The following PDE3B variants were observed in gnomAD, a reference collection of about 807,000 sequenced individuals.
PDE3B encodes phosphodiesterase 3B, also known as cGMP-inhibited 3',5'-cyclic phosphodiesterase 3B.
PDE3B carries 66 observed loss-of-function variants against 116.8 expected under a neutral mutation model. The observed-to-expected ratio is 0.56, with a 90% CI of 0.46 to 0.69. The LOEUF is 0.69. PDE3B is among the 30% of genes least tolerant of loss of function. The probability of loss-of-function intolerance (pLI) is 0.00; values close to 1 mark genes in which losing one functional copy is unlikely to be tolerated. For synonymous variants in PDE3B, 595 were observed against 533.6 expected (o/e 1.12, Z -1.59); for missense variants, 1,384 against 1,368.1 (o/e 1.01, Z -0.18).
At chr11:14,860,046 T>C (rs1847918364) in intron 13 of PDE3B, among the ~76,000 whole-genome samples, 1 of 152,194 alleles carries the variant, frequency 6.6e-6, no homozygotes, top group Admixed American at 6.5e-5. Context: ...TTAGACCTGC[T>C]GGAAGGAGAC....
chr11:14,714,006 C>T (rs1855790609), intron 1 of PDE3B, among the ~76,000 whole-genome samples: 2 of 152,230 alleles, frequency 1.3e-5, no homozygotes, highest in Non-Finnish European at 1.5e-5. Context: ...AGTTTTACCA[C>T]AACCTGGCTA....
intron 1 of PDE3B, among the ~76,000 whole-genome samples, chr11:14,652,258 G>A (rs1853592237): frequency 6.6e-6 from 1 of 152,132 alleles, no homozygotes; most frequent in Non-Finnish European, 1.5e-5. Context: ...TTTCAACAAA[G>A]TGTTGGCTTC....
intron 1 of PDE3B, among the ~76,000 whole-genome samples, chr11:14,742,917 T>C (rs1000611655): frequency 6.6e-6 from 1 of 152,168 alleles, no homozygotes; most frequent in African/African-American, 2.4e-5. Flanking sequence ...TAAAGATTGC[T>C]GACTGTTCCT....
At chr11:14,841,861 A>T (rs1470030357) in intron 11 of PDE3B, among the ~76,000 whole-genome samples, 3 of 150,296 alleles carry the variant, frequency 2.0e-5, no homozygotes, top group Non-Finnish European at 4.4e-5. Context: ...GCTTTGTAAT[A>T]GATTTTGAAA....
chr11:14,855,547 C>T (rs1439413867), intron 12 of PDE3B, among the ~76,000 whole-genome samples: 1 of 152,026 alleles, frequency 6.6e-6, no homozygotes, highest in Admixed American at 6.6e-5. Flanking sequence ...ACTATTTAGG[C>T]ATTGTTATAT....
At chr11:14,647,410 T>C (rs1322146920) in intron 1 of PDE3B, among the ~76,000 whole-genome samples, 18 of 152,014 alleles carry the variant, frequency 1.2e-4, no homozygotes, top group Non-Finnish European at 2.7e-4. Context: ...TTCTGTAATA[T>C]CTTCTAATTC....
chr11:14,713,796 T>C (rs932265203), intron 1 of PDE3B, among the ~76,000 whole-genome samples: 4 of 152,046 alleles, frequency 2.6e-5, no homozygotes, highest in African/African-American at 9.7e-5. Context: ...TGGAAAGGCA[T>C]CACAGAGGAG....
At chr11:14,770,098 G>A (rs1857596268) in intron 1 of PDE3B, among the ~76,000 whole-genome samples, 1 of 151,122 alleles carries the variant, frequency 6.6e-6, no homozygotes, top group Non-Finnish European at 1.5e-5. Context: ...TATTATTGTG[G>A]GAAAAGTGTA....
Position 14,644,983 on chromosome 11 carries a change from C to G in PDE3B, c.908C>G (p.Thr303Ser). 9.9e-6 allele frequency: 16 copies of G among 1,613,888 alleles called. No homozygotes were observed. Among genetic ancestry groups the G allele is most frequent in the Non-Finnish European group, 1.4e-5 (16 of 1,179,982 alleles). Residue 303 changes from threonine (T) to serine (S), a missense_variant, in exon 1 of 16, where the codon ACT (threonine) becomes AGT (serine). By Grantham distance (58) the Thr-to-Ser change is moderately conservative. Transcript: ENST00000282096. ...RRSSCVSLGE[T>S]AASYYGSCKI... ...TCCAGCTGCGTGTCGTTAGGAGAAA[C>G]TGCAGCCAGTTACTATGGCAGTTGC...
At chr11:14,717,909 C>A (rs1460195623) in intron 1 of PDE3B, among the ~76,000 whole-genome samples, 1 of 139,312 alleles carries the variant, frequency 7.2e-6, no homozygotes, top group African/African-American at 2.7e-5. Flanking sequence ...GGATCAAATT[C>A]ACACATAACA....
chr11:14,891,228 A>T, the PDE3B span: 2 of 984,994 alleles, frequency 2.0e-6, no homozygotes, highest in African/African-American at 1.7e-5. Context: ...CAGAATGAGG[A>T]GGAGCGAAGT....
chr11:14,771,963 A>G lies in PDE3B; in HGVS notation c.1005A>G (p.Lys335=). The part of the protein sequence containing the change: ...EQMILWDWDL[K]QWYKPHYQNS... ...TGATTCTTTGGGATTGGGACTTAAA[A>G]CAATGGTATAAGCCTCATTATCAAG... The change falls in exon 2 of 16, where the codon AAA becomes AAG. Residue 335 remains lysine, a synonymous_variant. Coordinates refer to ENST00000282096, the MANE Select transcript of PDE3B (RefSeq NM_000922.4). 5 of 1,359,338 alleles carry G rather than the reference A, an allele frequency of 3.7e-6. No homozygotes were observed. The highest frequency in any genetic ancestry group is 5.0e-6 in the Non-Finnish European group (5 of 1,005,490). 84.2% of individuals were successfully genotyped at this position (1,359,338 alleles called of 1,614,324 possible).
At chr11:14,800,242 G>A (rs774439478) in intron 4 of PDE3B, among the ~76,000 whole-genome samples, 14 of 151,740 alleles carry the variant, frequency 9.2e-5, no homozygotes, top group Middle Eastern at 3.4e-3. Flanking sequence ...TTCTTTTGGC[G>A]GATCACGAGG....
intron 1 of PDE3B, among the ~76,000 whole-genome samples, chr11:14,754,421 A>G (rs1258454481): frequency 6.6e-6 from 1 of 152,174 alleles, no homozygotes; most frequent in African/African-American, 2.4e-5. Context: ...CATGTGTATT[A>G]TCTCACTTGA....
intron 1 of PDE3B, among the ~76,000 whole-genome samples, chr11:14,741,456 T>A (rs1421259114): frequency 1.3e-5 from 2 of 152,008 alleles, no homozygotes; most frequent in Non-Finnish European, 2.9e-5. Flanking sequence ...GTAAATATTC[T>A]GCTATCTTTT....
At chr11:14,796,865 T>C (rs927234354) in intron 4 of PDE3B, among the ~76,000 whole-genome samples, 1 of 152,212 alleles carries the variant, frequency 6.6e-6, no homozygotes, top group Admixed American at 6.5e-5. Flanking sequence ...AGAAGCTCTT[T>C]AATTAGATCG....
intron 11 of PDE3B, among the ~76,000 whole-genome samples, chr11:14,836,654 A>T (rs758310767): frequency 1.1e-4 from 16 of 152,226 alleles, no homozygotes; most frequent in Non-Finnish European, 1.9e-4. Flanking sequence ...CAAATTTATT[A>T]TCTTACAGTT....
rs756712150 is a variant in PDE3B at position 14,785,827 on chromosome 11, C to G, written c.1030-610C>G. 4.3e-4 allele frequency among the ~76,000 whole-genome samples: 66 copies of G among 151,774 alleles called. 1 individual carries two copies. The highest frequency in any genetic ancestry group is 1.3e-4 in the Non-Finnish European group (9 of 67,834). Reference sequence around the variant, plus strand: ...CTCTTTTGAACTATAACATATTTTTCTTTATTTTTATCTCATCATTTTCCA... The same window carrying G: ...CTCTTTTGAACTATAACATATTTTTGTTTATTTTTATCTCATCATTTTCCA... On this transcript the variant is annotated intron_variant, in intron 2 of 15. Coordinates refer to ENST00000282096, the MANE Select transcript of PDE3B (RefSeq NM_000922.4).
chr11:14,878,186 A>C, the PDE3B span: 1 of 1,613,240 alleles, frequency 6.2e-7, no homozygotes, highest in South Asian at 1.1e-5. Context: ...CCTGGGCTTC[A>C]GATCTGGAAC....
Sources: gnomAD v4.1 joint callset for allele counts (sites outside exome capture counted in the v4.1 genomes callset) on GRCh38, gnomAD v4.1.1 for gene constraint, MANE v1.5 for transcripts, NCBI Gene and HGNC (gene_info 2026-07-23, HGNC 2026-07-21) for gene names.